PPP2R5A: variants seen among roughly 807,000 people sequenced by gnomAD.
PPP2R5A encodes the protein serine/threonine-protein phosphatase 2A 56 kDa regulatory subunit alpha isoform.
PPP2R5A carries 25 observed loss-of-function variants against 64.2 expected under a neutral mutation model. The observed-to-expected ratio is 0.39, with a 90% CI of 0.28 to 0.54. The LOEUF is 0.54. PPP2R5A is among the 20% of genes least tolerant of loss of function. The pLI, the probability that PPP2R5A is intolerant of heterozygous loss-of-function variation, is 0.67. For missense variants in PPP2R5A, 425 were observed against 576.3 expected, an observed-to-expected ratio of 0.74 and a Z score of 2.69; for synonymous variants, 198 against 201.2, an observed-to-expected ratio of 0.98 and a Z score of 0.13.
chr1:212,357,373 A>G lies in PPP2R5A; in HGVS notation c.1226+89A>G. On this transcript the variant is annotated intron_variant, in intron 11 of 12. Transcript: ENST00000261461. ...ATTTCCTAACTCATACTTGAAACCT[A>G]TTACAGATTTGGAAGTTACTCCAAG... is the stretch of plus-strand genomic sequence containing the variant. The G allele has an allele frequency of 4.0e-6, 5 of 1,247,464 alleles. No homozygotes were observed. In the South Asian group the frequency reaches 5.4e-5, roughly 14 times the overall value. The allele number at this position is 1,247,464 out of a possible 1,614,324, so 77.3% of individuals were successfully genotyped here.
intron 3 of PPP2R5A, among the ~76,000 whole-genome samples, chr1:212,338,693 A>C (rs968747451): frequency 1.3e-5 from 2 of 152,074 alleles, no homozygotes; most frequent in Admixed American, 6.5e-5. Context: ...AGGCTGAGGC[A>C]GGAGAATGGC....
intron 8 of PPP2R5A, among the ~76,000 whole-genome samples, chr1:212,355,869 C>T (rs1036392254): frequency 2.0e-5 from 3 of 151,954 alleles, no homozygotes; most frequent in African/African-American, 7.3e-5. Flanking sequence ...AGCTTAAGAC[C>T]AGCCTGGCCA....
chr1:212,347,285 C>G, intron 5 of PPP2R5A, 62 bp from the exon 6 acceptor site: 2 of 1,195,012 alleles, frequency 1.7e-6, no homozygotes, highest in Non-Finnish European at 2.5e-6. Context: ...ACCCTCCTGC[C>G]TGTTTCTCTT....
intron 1 of PPP2R5A, among the ~76,000 whole-genome samples, chr1:212,323,082 A>T (rs992648086): frequency 1.3e-5 from 2 of 152,202 alleles, no homozygotes; most frequent in Non-Finnish European, 2.9e-5. Context: ...CACTGTGCCC[A>T]GCCCTCATTT....
chr1:212,356,034 A>C (rs1255519600), intron 8 of PPP2R5A, among the ~76,000 whole-genome samples: 3 of 152,178 alleles, frequency 2.0e-5, no homozygotes, highest in African/African-American at 7.2e-5. Flanking sequence ...ACTGCACTCC[A>C]ACCTGGGCGA....
At chr1:212,304,785 T>C (rs1658865781) in intron 1 of PPP2R5A, among the ~76,000 whole-genome samples, 1 of 143,482 alleles carries the variant, frequency 7.0e-6, no homozygotes, top group Admixed American at 7.2e-5. Context: ...CAGGCTGGAG[T>C]GCAGTGGCAT....
At position 212,361,001 on chromosome 1, in the gene PPP2R5A, T is replaced by G; in HGVS notation, c.*231T>G. ...GATTTATTGTGTCACTTCTGAAGTT[T>G]CACAGAAATGAATGAATTTTATCAT... is the stretch of plus-strand genomic sequence containing the variant. On this transcript the variant is annotated 3_prime_UTR_variant, in exon 13 of 13. Transcript: ENST00000261461. 1 of 306,126 alleles carries G rather than the reference T, an allele frequency of 3.3e-6. No individual in the cohort carries two copies. Among genetic ancestry groups the G allele is most frequent in the Non-Finnish European group, 6.0e-6 (1 of 166,004 alleles). The allele number at this position is 306,126 out of a possible 1,614,324, so 19.0% of individuals were successfully genotyped here.
At chr1:212,338,354 T>C (rs1368441554) in intron 3 of PPP2R5A, among the ~76,000 whole-genome samples, 1 of 152,220 alleles carries the variant, frequency 6.6e-6, no homozygotes, top group Non-Finnish European at 1.5e-5. Flanking sequence ...TTGAACATAG[T>C]TGAAGTTTGT....
intron 5 of PPP2R5A, among the ~76,000 whole-genome samples, chr1:212,346,768 A>G (rs532990884): frequency 2.6e-5 from 4 of 152,288 alleles, no homozygotes; most frequent in African/African-American, 7.2e-5. Context: ...TTTGGTTACT[A>G]TTCCCACATT....
At chr1:212,297,320 T>TGG (rs1196597792) in intron 1 of PPP2R5A, 2 of 151,926 alleles carry the variant, frequency 1.3e-5, no homozygotes, top group Admixed American at 6.6e-5. Context: ...TTCACTGTGT[T>TGG]GGCCAGACTG....
intron 1 of PPP2R5A, among the ~76,000 whole-genome samples, chr1:212,316,089 T>G (rs753234102): frequency 1.4e-4 from 22 of 152,286 alleles, no homozygotes; most frequent in Non-Finnish European, 2.5e-4. Context: ...AAAATTGAGA[T>G]TAGGCCAATT....
intron 1 of PPP2R5A, among the ~76,000 whole-genome samples, chr1:212,327,655 C>T (rs111312311): frequency 1.3e-5 from 2 of 152,010 alleles, no homozygotes; most frequent in East Asian, 3.9e-4. Context: ...CTCAAGTCAT[C>T]CGCCTGCCTC....
intron 1 of PPP2R5A, among the ~76,000 whole-genome samples, chr1:212,306,500 AC>A (rs1658906654): frequency 6.6e-6 from 1 of 152,204 alleles, no homozygotes; most frequent in South Asian, 2.1e-4. Flanking sequence ...AAGATATGAG[AC>A]AAAAGTTTTC....
At chr1:212,352,901 A>G (rs1659912411) in intron 8 of PPP2R5A, 1 of 519,116 alleles carries the variant, frequency 1.9e-6, no homozygotes, top group East Asian at 5.4e-5. Context: ...CTTGATGGTC[A>G]TAGTTCTGTT....
intron 1 of PPP2R5A, among the ~76,000 whole-genome samples, chr1:212,314,878 T>C (rs1659116867): frequency 6.6e-6 from 1 of 152,008 alleles, no homozygotes; most frequent in African/African-American, 2.4e-5. Context: ...AGCTAAATTT[T>C]AAATTTTTCG....
chr1:212,326,242 G>GTTTTTTTTTT (rs35314006), intron 1 of PPP2R5A, among the ~76,000 whole-genome samples: 1 of 143,106 alleles, frequency 7.0e-6, no homozygotes, highest in African/African-American at 2.6e-5. Flanking sequence ...CAAATTCAAT[G>GTTTTTTTTTT]TTTTTTTTTT....
In PPP2R5A at chr1:212,360,882, T is replaced by C. The variant is rs1660068941; in HGVS notation, c.*112T>C. On this transcript the variant is annotated 3_prime_UTR_variant, in exon 13 of 13. Transcript: ENST00000261461. ...TATAATATAATTAAAAGGCCAATTTTTTCTGGCAACTGTAAATGGAAAAAT... is the reference window on the plus strand; with the variant it reads ...TATAATATAATTAAAAGGCCAATTTCTTCTGGCAACTGTAAATGGAAAAAT... 5.6e-6 allele frequency: 6 copies of C among 1,076,660 alleles called. No individual in the cohort carries two copies. 66.7% of individuals were successfully genotyped at this position (1,076,660 alleles called of 1,614,324 possible).
intron 1 of PPP2R5A, among the ~76,000 whole-genome samples, chr1:212,287,854 G>A (rs556241110): frequency 4.6e-5 from 7 of 151,914 alleles, no homozygotes; most frequent in South Asian, 4.2e-4. Context: ...TAGTTTGAAG[G>A]TTTGGTGCTA....
rs1658971674 is a variant in PPP2R5A, at chr1:212,308,942, C to G, written c.182-20193C>G. ...TATTCCTTTTTTCTTTTTGTAAATT[C>G]TATCTCTTTATGATATTCTCTGTTT... On this transcript the variant is annotated intron_variant, in intron 1 of 12. Coordinates refer to ENST00000261461, the MANE Select transcript of PPP2R5A (RefSeq NM_006243.4). The G allele has an allele frequency of 6.0e-6, 3 of 500,466 alleles. No homozygotes were observed. The Admixed American group carries it at 1.0e-4, about 17-fold the overall frequency. The allele number at this position is 500,466 out of a possible 1,614,324, so 31.0% of individuals were successfully genotyped here.
Sources: gnomAD v4.1 joint callset for allele counts (sites outside exome capture counted in the v4.1 genomes callset) on GRCh38, gnomAD v4.1.1 for gene constraint, MANE v1.5 for transcripts, NCBI Gene and HGNC (gene_info 2026-07-23, HGNC 2026-07-21) for gene names.